HSD17B12: variants seen among roughly 807,000 people sequenced by gnomAD.
HSD17B12 encodes hydroxysteroid 17-beta dehydrogenase 12, also known as very-long-chain 3-oxoacyl-CoA reductase.
HSD17B12 carries 32 observed loss-of-function variants against 39.3 expected under a neutral mutation model. The ratio of observed to expected loss-of-function variants is 0.81; its 90% CI spans 0.61 to 1.09. The LOEUF is 1.09. HSD17B12 is among the 50% of genes least tolerant of loss of function. The probability of loss-of-function intolerance (pLI) is 0.00; values close to 1 mark genes in which losing one functional copy is unlikely to be tolerated. For synonymous variants in HSD17B12, 150 were observed against 146.7 expected, an observed-to-expected ratio of 1.02 and a Z score of -0.16; for missense variants, 342 against 382.9, an observed-to-expected ratio of 0.89 and a Z score of 0.89.
chr11:43,759,030 A>G (rs913939076), intron 3 of HSD17B12, among the ~76,000 whole-genome samples: 9 of 152,196 alleles, frequency 5.9e-5, no homozygotes, highest in African/African-American at 2.2e-4. Context: ...GAAGTCACAC[A>G]ATTTAGTTTA....
intron 1 of HSD17B12, among the ~76,000 whole-genome samples, chr11:43,726,080 C>G (rs1221167806): frequency 1.3e-5 from 2 of 152,136 alleles, no homozygotes; most frequent in Non-Finnish European, 2.9e-5. Flanking sequence ...ATCAAACGTT[C>G]TACTTAATAC....
At chr11:43,570,316 T>A in the HSD17B12 span, 2 of 152,342 alleles carry the variant, frequency 1.3e-5, no homozygotes, top group East Asian at 1.9e-4. Flanking sequence ...AAGAGAAAGA[T>A]CCTCAGAAGT....
chr11:43,855,101 T>C (rs1035368301), intron 10 of HSD17B12, 43 bp from the exon 11 acceptor site: 3 of 1,349,400 alleles, frequency 2.2e-6, no homozygotes, highest in African/African-American at 1.5e-5. Context: ...TTAGCCCAAA[T>C]TGTAGGCTAT....
At chr11:43,631,253 A>G in the HSD17B12 span, among the ~76,000 whole-genome samples, 1 of 152,246 alleles carries the variant, frequency 6.6e-6, no homozygotes, top group Non-Finnish European at 1.5e-5. Flanking sequence ...AAAGAAAACT[A>G]AGATTTTTTG....
the HSD17B12 span, among the ~76,000 whole-genome samples, chr11:43,593,589 A>G: frequency 1.3e-5 from 2 of 152,184 alleles, no homozygotes; most frequent in Non-Finnish European, 2.9e-5. Context: ...AAGCTTCTAA[A>G]TCCTGTGAAA....
intron 9 of HSD17B12, chr11:43,848,310 C>G (rs10838184): frequency 0.77 from 116,905 of 152,028 alleles, 45,350 homozygotes; most frequent in East Asian, 0.87. Flanking sequence ...TTTCAGTGAT[C>G]TCCTTTTTTC....
intron 3 of HSD17B12, among the ~76,000 whole-genome samples, chr11:43,788,642 A>C (rs903937973): frequency 2.7e-5 from 4 of 147,318 alleles, no homozygotes; most frequent in Admixed American, 7.0e-5. Flanking sequence ...GCTTTTTATA[A>C]CAAGCTGTGT....
At chr11:43,619,201 A>T in the HSD17B12 span, among the ~76,000 whole-genome samples, 6 of 49,312 alleles carry the variant, frequency 1.2e-4, no homozygotes, top group African/African-American at 4.5e-4. Flanking sequence ...TATATATGAT[A>T]TATATATATA....
chr11:43,810,403 A>ATATATATATATATATATATATATAT (rs1565097561), intron 4 of HSD17B12, among the ~76,000 whole-genome samples: 14 of 71,968 alleles, frequency 1.9e-4, no homozygotes, highest in South Asian at 1.3e-3. Flanking sequence ...ATATATATAT[A>ATATATATATATATATATATATATAT]AAATTCAGAA....
At chr11:43,616,265 G>T in the HSD17B12 span, among the ~76,000 whole-genome samples, 3 of 151,774 alleles carry the variant, frequency 2.0e-5, no homozygotes, top group Non-Finnish European at 4.4e-5. Context: ...AACAAAATTG[G>T]CTGGGTGTGG....
intron 6 of HSD17B12, among the ~76,000 whole-genome samples, chr11:43,819,128 C>G (rs1951157771): frequency 6.6e-6 from 1 of 152,148 alleles, no homozygotes; most frequent in Non-Finnish European, 1.5e-5. Flanking sequence ...ATTGTTAATA[C>G]TAATTTCAGA....
intron 1 of HSD17B12, among the ~76,000 whole-genome samples, chr11:43,722,531 G>A (rs1950185132): frequency 6.6e-6 from 1 of 152,044 alleles, no homozygotes; most frequent in African/African-American, 2.4e-5. Context: ...GGCCAACATA[G>A]TGAGCTCTTG....
rs540202211 is a variant in HSD17B12 at position 43,691,648 on chromosome 11, T to C, written c.160+10661T>C. ...CTCCAATCAAGTTACCCCTTCCTTA[T>C]ACCTTACACATACAGGTCAGAAGTT... On this transcript the variant is annotated intron_variant, in intron 1 of 10. Transcript: ENST00000278353. Among the ~76,000 whole-genome samples, 4 of 152,320 alleles carry C rather than the reference T, an allele frequency of 2.6e-5. No homozygotes were observed. The South Asian group carries it at 8.3e-4, about 32-fold the overall frequency.
chr11:43,835,747 C>G (rs1951364068), intron 7 of HSD17B12, among the ~76,000 whole-genome samples: 3 of 152,264 alleles, frequency 2.0e-5, no homozygotes, highest in African/African-American at 7.2e-5. Context: ...TACCCTCAAA[C>G]TCTGACTTTT....
the HSD17B12 span, chr11:43,581,514 G>T: frequency 2.1e-6 from 1 of 476,748 alleles, no homozygotes; most frequent in Non-Finnish European, 4.4e-6. The surrounding 1 kb of genome is among the most constrained non-coding windows in gnomAD (Gnocchi z 4.9). Context: ...GCCATCCAGC[G>T]ATCGCCGAAG....
chr11:43,772,023 C>CAT (rs57324758), intron 3 of HSD17B12, among the ~76,000 whole-genome samples: 38 of 151,526 alleles, frequency 2.5e-4, no homozygotes, highest in Admixed American at 7.2e-4. Context: ...CAAGTAATTG[C>CAT]ATATATATAT....
chr11:43,718,927 G>C, intron 1 of HSD17B12: 2 of 1,036,034 alleles, frequency 1.9e-6, no homozygotes, highest in Non-Finnish European at 3.0e-6. Flanking sequence ...TGACCACTGA[G>C]TCTGCCATGA....
chr11:43,808,114 A>G (rs1285668698), intron 4 of HSD17B12, among the ~76,000 whole-genome samples: 2 of 152,182 alleles, frequency 1.3e-5, no homozygotes, highest in South Asian at 2.1e-4. Flanking sequence ...GAGAAAAATG[A>G]TGATTTCACT....
At chr11:43,772,921 G>A (rs866557418) in intron 3 of HSD17B12, among the ~76,000 whole-genome samples, 1 of 152,098 alleles carries the variant, frequency 6.6e-6, no homozygotes, top group Non-Finnish European at 1.5e-5. Flanking sequence ...GACCAGCCTG[G>A]GCAATATAGT....
Sources: allele counts gnomAD v4.1 joint callset (sites outside exome capture counted in the v4.1 genomes callset), GRCh38; gene constraint gnomAD v4.1.1; non-coding constraint Gnocchi (gnomAD v3.1); transcripts MANE v1.5; gene names NCBI Gene and HGNC (gene_info 2026-07-23, HGNC 2026-07-21).